Variants in VPS8 observed in about 807,000 individuals in gnomAD.
The protein encoded by VPS8 is VPS8 subunit of CORVET complex, also known as vacuolar protein sorting-associated protein 8 homolog.
In VPS8, 129 loss-of-function variants were observed where a neutral mutation model predicts 216.4. That is an observed-to-expected ratio of 0.60 (90% CI 0.52 to 0.69). The LOEUF (loss-of-function observed/expected upper bound fraction) is 0.69. Among genes scored for constraint, VPS8 ranks in the 30% least tolerant of loss-of-function variants. VPS8 has a pLI of 0.00. For missense variants in VPS8, 1,531 were observed against 1,683.5 expected, an observed-to-expected ratio of 0.91 and a Z score of 1.59; for synonymous variants, 571 against 565.4, an observed-to-expected ratio of 1.01 and a Z score of -0.14.
chr3:184,818,376 AGC>A (rs1167291858), intron 1 of VPS8, among the ~76,000 whole-genome samples: 5 of 152,036 alleles, frequency 3.3e-5, no homozygotes, highest in African/African-American at 9.7e-5. Context: ...TCAAAAAATT[AGC>A]TGGGCATGGT....
chr3:184,899,197 C>G (rs1309007102), intron 24 of VPS8, among the ~76,000 whole-genome samples: 1 of 152,104 alleles, frequency 6.6e-6, no homozygotes, highest in African/African-American at 2.4e-5. Context: ...TTTGGACTTA[C>G]TTTTAGAAGA....
chr3:184,942,161 A>C (rs1012900904), intron 36 of VPS8, among the ~76,000 whole-genome samples: 2 of 145,556 alleles, frequency 1.4e-5, no homozygotes, highest in East Asian at 1.9e-4. Flanking sequence ...TAAATATTAC[A>C]AAAAAAAAGG....
intron 46 of VPS8, among the ~76,000 whole-genome samples, chr3:185,031,777 A>G (rs572035875): frequency 3.9e-5 from 6 of 152,322 alleles, no homozygotes; most frequent in African/African-American, 1.4e-4. Flanking sequence ...CAGAATATCT[A>G]TTGGTCAAAC....
At chr3:184,838,672 A>G in intron 5 of VPS8, 42 bp from the exon 6 acceptor site, 1 of 1,487,868 alleles carries the variant, frequency 6.7e-7, no homozygotes, top group South Asian at 1.3e-5. Flanking sequence ...CTGTTTTAAA[A>G]TGAGAATATT....
chr3:184,952,096 G>A (rs1744800105), intron 36 of VPS8, among the ~76,000 whole-genome samples: 1 of 152,204 alleles, frequency 6.6e-6, no homozygotes, highest in African/African-American at 2.4e-5. Flanking sequence ...GAAGTCTGAT[G>A]TAAATGAAAT....
intron 22 of VPS8, among the ~76,000 whole-genome samples, chr3:184,892,287 G>T (rs553047917): frequency 6.6e-6 from 1 of 152,178 alleles, no homozygotes; most frequent in East Asian, 1.9e-4. Flanking sequence ...GTCGATCTCG[G>T]CTCACTGCAA....
At chr3:185,025,505 C>T (rs556652012) in intron 46 of VPS8, among the ~76,000 whole-genome samples, 1 of 152,266 alleles carries the variant, frequency 6.6e-6, no homozygotes, top group South Asian at 2.1e-4. Flanking sequence ...ACTTCAGAAT[C>T]CCCTGAGACT....
At chr3:185,047,991 TTCCCAAA>T (rs985403538) in intron 46 of VPS8, among the ~76,000 whole-genome samples, 3 of 152,186 alleles carry the variant, frequency 2.0e-5, no homozygotes, top group African/African-American at 7.2e-5. Flanking sequence ...ACCGGCCCTT[TTCCCAAA>T]AGCAGCAGAC....
rs771718570 is a variant in VPS8 at position 184,839,727 on chromosome 3, A to G, written c.510A>G (p.Thr170=). ...IAVSSLIAVG[T]SHGLALIFGK... ...TATCCAGTCTGATAGCAGTGGGTACATCTCATGGATTGGCTTTAATATTTG... is the reference window on the plus strand; with the variant it reads ...TATCCAGTCTGATAGCAGTGGGTACGTCTCATGGATTGGCTTTAATATTTG... The change falls in exon 7 of 48, where the codon ACA becomes ACG. Residue 170 remains threonine, a synonymous_variant. Coordinates refer to ENST00000625842, the MANE Select transcript of VPS8 (RefSeq NM_001009921.3). The G allele has an allele frequency of 1.2e-6, 2 of 1,606,404 alleles. No homozygotes were observed. Among genetic ancestry groups the G allele is most frequent in the East Asian group, 2.2e-5 (1 of 44,758 alleles).
intron 47 of VPS8, 99 bp downstream of exon 47, chr3:185,048,658 C>G: frequency 6.1e-6 from 8 of 1,321,678 alleles, no homozygotes; most frequent in Non-Finnish European, 7.4e-6. Context: ...CTCCTTCTAG[C>G]CTGGAAGGTG....
At chr3:184,915,888 A>G (rs1450572458) in intron 28 of VPS8, among the ~76,000 whole-genome samples, 12 of 152,232 alleles carry the variant, frequency 7.9e-5, no homozygotes. Context: ...TTTATGCACT[A>G]GCAGTAAGTC....
At chr3:184,857,981 GT>G (rs1383473414) in intron 14 of VPS8, among the ~76,000 whole-genome samples, 1 of 152,176 alleles carries the variant, frequency 6.6e-6, no homozygotes, top group Non-Finnish European at 1.5e-5. Flanking sequence ...ACATTAAGTG[GT>G]TTCAGATTTT....
rs775263180 is a variant in VPS8 at position 184,855,710 on chromosome 3, G to T, written c.1036-1G>T. 1 of 1,609,716 alleles carries T rather than the reference G, an allele frequency of 6.2e-7. No homozygotes were observed. Among genetic ancestry groups the T allele is most frequent in the Admixed American group, 1.7e-5 (1 of 59,294 alleles). On this transcript the variant is annotated splice_acceptor_variant, in intron 13 of 47. Transcript: ENST00000625842. LOFTEE classifies it high-confidence loss of function. ...TTTTTTTTTTCCATCTCCCTACTTAGATGGATCCTTCCAGTGTGCCACTGC... is the reference window on the plus strand; with the variant it reads ...TTTTTTTTTTCCATCTCCCTACTTATATGGATCCTTCCAGTGTGCCACTGC...
At position 184,905,589 on chromosome 3, in the gene VPS8, T is replaced by G. The variant is rs184026327; in HGVS notation, c.2146+4617T>G. On this transcript the variant is annotated intron_variant, in intron 25 of 47. Transcript: ENST00000625842. ...TATTTGCTTTCTTCAGTTCTTTGGG[T>G]TAGAAGCTCTTTAGGTAGAAGCTCA... 7.0e-4 allele frequency among the ~76,000 whole-genome samples: 106 copies of G among 151,208 alleles called. 1 individual carries two copies. Among genetic ancestry groups the G allele is most frequent in the African/African-American group, 2.5e-3 (102 of 41,304 alleles).
chr3:184,864,662 A>G (rs1234355027), intron 16 of VPS8, among the ~76,000 whole-genome samples: 1 of 152,244 alleles, frequency 6.6e-6, no homozygotes, highest in Non-Finnish European at 1.5e-5. Flanking sequence ...TAAATGGCGC[A>G]CTGGTCCCAG....
intron 35 of VPS8, among the ~76,000 whole-genome samples, chr3:184,938,371 A>G (rs1742012664): frequency 6.6e-6 from 1 of 152,230 alleles, no homozygotes. Context: ...CTCTCTAGGA[A>G]GAAGACAAAT....
At position 184,937,355 on chromosome 3, in the gene VPS8, T is replaced by C. The variant is rs528614172; in HGVS notation, c.2988+1020T>C. On this transcript the variant is annotated intron_variant, in intron 35 of 47. Coordinates refer to ENST00000625842, the MANE Select transcript of VPS8 (RefSeq NM_001009921.3). ...CATTAATAGTGGTTGGGAATAGCTG[T>C]GCAAGAAGGAAATCAGAGCAGTGAG... Among the ~76,000 whole-genome samples, 14 of 152,262 alleles carry C rather than the reference T, an allele frequency of 9.2e-5. No individual in the cohort carries two copies. In the South Asian group the frequency reaches 2.9e-3, roughly 32 times the overall value.
intron 34 of VPS8, among the ~76,000 whole-genome samples, chr3:184,935,948 CTTCT>C (rs1235882869): frequency 6.6e-6 from 1 of 152,126 alleles, no homozygotes; most frequent in Admixed American, 6.6e-5. Flanking sequence ...GCTTTTGCTC[CTTCT>C]GTTTCTCCTG....
intron 37 of VPS8, among the ~76,000 whole-genome samples, chr3:184,958,596 C>G (rs190315817): frequency 6.6e-6 from 1 of 152,214 alleles, no homozygotes; most frequent in African/African-American, 2.4e-5. Context: ...TGTGGTGATT[C>G]CTCCAAAGTT....
Sources: allele counts gnomAD v4.1 joint callset (sites outside exome capture counted in the v4.1 genomes callset), GRCh38; gene constraint gnomAD v4.1.1; transcripts MANE v1.5; gene names NCBI Gene and HGNC (gene_info 2026-07-23, HGNC 2026-07-21).